Variants in SLC25A28 observed in about 807,000 individuals in gnomAD.
SLC25A28 encodes solute carrier family 25 member 28, also known as mitoferrin-2.
In SLC25A28, 10 loss-of-function variants were observed where a neutral mutation model predicts 31.9. That is an observed-to-expected ratio of 0.31 (90% confidence interval 0.19 to 0.53). The LOEUF (loss-of-function observed/expected upper bound fraction) is 0.53, where lower values mean the gene tolerates loss of function less well. SLC25A28 is among the 20% of genes least tolerant of loss of function. The pLI is 0.95. For synonymous variants in SLC25A28, 208 were observed against 203.6 expected (o/e 1.02, Z -0.19); for missense variants, 256 against 490.3 (o/e 0.52, Z 4.51).
chr10:99,614,138 T>G (rs547778680), intron 1 of SLC25A28, among the ~76,000 whole-genome samples: 1 of 152,174 alleles, frequency 6.6e-6, no homozygotes, highest in Non-Finnish European at 1.5e-5. Context: ...ACACCATTAT[T>G]TTCCCTGAAA....
chr10:99,658,646 G>A, the SLC25A28 span, among the ~76,000 whole-genome samples: 1 of 152,158 alleles, frequency 6.6e-6, no homozygotes, highest in African/African-American at 2.4e-5. Context: ...GGGGCAGAAT[G>A]AGCAAAACAG....
chr10:99,625,246 A>G (rs1481361028), upstream of SLC25A28, among the ~76,000 whole-genome samples: 1 of 152,038 alleles, frequency 6.6e-6, no homozygotes, highest in African/African-American at 2.4e-5. Context: ...CTTCCACAGC[A>G]TGGAAGGGGA....
At chr10:99,624,908 A>G (rs1363464989), upstream of SLC25A28, among the ~76,000 whole-genome samples, 1 of 152,150 alleles carries the variant, frequency 6.6e-6, no homozygotes, top group Non-Finnish European at 1.5e-5. Flanking sequence ...CTGCACCTGC[A>G]ACTCCTCAGG....
the SLC25A28 span, among the ~76,000 whole-genome samples, chr10:99,658,680 G>C: frequency 6.6e-6 from 1 of 152,184 alleles, no homozygotes; most frequent in African/African-American, 2.4e-5. Flanking sequence ...AGCGTGGTAA[G>C]GAAGGCAAGT....
At chr10:99,621,190 T>A, upstream of SLC25A28, 1 of 165,596 alleles carries the variant, frequency 6.0e-6, no homozygotes, top group Non-Finnish European at 1.2e-5. Context: ...GGGTCTGGAG[T>A]ATTGGGCCCT....
At chr10:99,627,008 C>T in the SLC25A28 span, among the ~76,000 whole-genome samples, 2 of 152,010 alleles carry the variant, frequency 1.3e-5, no homozygotes, top group Admixed American at 6.6e-5. Context: ...TGGGAGGCCA[C>T]AGCAGGCAGA....
chr10:99,612,550 A>G lies in SLC25A28; in HGVS notation c.570T>C (p.Pro190=), dbSNP rs771031792. ...ATLLHDAAMN[P]AEVVKQRMQM... ...AGGTTGAGGAATCATTACCTTCCGC[A>G]GGGTTCATGGCTGCATCATGAAGTA... The change falls in exon 3 of 4, where the codon CCT becomes CCC. Residue 190 remains proline, a synonymous_variant. Coordinates refer to ENST00000370495, the MANE Select transcript of SLC25A28 (RefSeq NM_031212.4). 3.7e-6 allele frequency: 6 copies of G among 1,614,068 alleles called. No homozygotes were observed. Among genetic ancestry groups the G allele is most frequent in the Admixed American group, 3.3e-5 (2 of 59,998 alleles).
At chr10:99,649,463 T>C in the SLC25A28 span, among the ~76,000 whole-genome samples, 2 of 152,198 alleles carry the variant, frequency 1.3e-5, no homozygotes, top group African/African-American at 2.4e-5. Context: ...ATACTGGCCT[T>C]GTAGAATGAG....
At chr10:99,617,342 C>T (rs558298886) in intron 1 of SLC25A28, 2 of 985,452 alleles carry the variant, frequency 2.0e-6, no homozygotes, top group South Asian at 9.4e-5. Context: ...TGGTCCCTCT[C>T]AAGGATATTT....
At chr10:99,624,033 C>T (rs2034836558), upstream of SLC25A28, among the ~76,000 whole-genome samples, 1 of 151,510 alleles carries the variant, frequency 6.6e-6, no homozygotes, top group Admixed American at 6.6e-5. Context: ...TTCTTCCTTC[C>T]CTCTCTCCCT....
chr10:99,618,414 T>TAA, intron 1 of SLC25A28: 1 of 985,450 alleles, frequency 1.0e-6, no homozygotes, highest in Non-Finnish European at 1.2e-6. Flanking sequence ...AACAGCATCC[T>TAA]AAACCCTGCA....
At chr10:99,629,139 C>T in the SLC25A28 span, among the ~76,000 whole-genome samples, 3 of 152,152 alleles carry the variant, frequency 2.0e-5, no homozygotes, top group African/African-American at 7.2e-5. Context: ...GAATAGATCC[C>T]TCATGAATAG....
chr10:99,630,435 A>G, the SLC25A28 span, among the ~76,000 whole-genome samples: 1 of 152,140 alleles, frequency 6.6e-6, no homozygotes, highest in East Asian at 1.9e-4. Flanking sequence ...TGCCTGGCCC[A>G]TGCAAACTTT....
chr10:99,627,419 A>G, the SLC25A28 span, among the ~76,000 whole-genome samples: 7 of 150,492 alleles, frequency 4.7e-5, no homozygotes, highest in East Asian at 1.9e-4. Context: ...CTCTTTATTT[A>G]TGTATTTGTT....
the SLC25A28 span, among the ~76,000 whole-genome samples, chr10:99,643,341 A>G: frequency 6.6e-6 from 1 of 152,102 alleles, no homozygotes; most frequent in Non-Finnish European, 1.5e-5. Flanking sequence ...TAGATTTTCT[A>G]GTTTATTTCC....
intron 1 of SLC25A28, chr10:99,617,416 C>T (rs1316948225): frequency 1.0e-6 from 1 of 985,332 alleles, no homozygotes; most frequent in Non-Finnish European, 1.2e-6. Context: ...AAGGCAATGT[C>T]AGCTTTCATT....
At chr10:99,617,666 TC>T in intron 1 of SLC25A28, 1 of 985,476 alleles carries the variant, frequency 1.0e-6, no homozygotes, top group Non-Finnish European at 1.2e-6. Flanking sequence ...ACCTAGTTCT[TC>T]CCTCTAAGTC....
chr10:99,641,750 G>A, the SLC25A28 span, among the ~76,000 whole-genome samples: 1 of 152,186 alleles, frequency 6.6e-6, no homozygotes, highest in Non-Finnish European at 1.5e-5. Flanking sequence ...TGTATAAGTT[G>A]TAAGGAAGGG....
At chr10:99,618,744 G>A (rs1282916070) in intron 1 of SLC25A28, 1 of 985,236 alleles carries the variant, frequency 1.0e-6, no homozygotes, top group Non-Finnish European at 1.2e-6. Flanking sequence ...CTGCCAGTTT[G>A]CTGTCATTCA....
Sources: allele counts gnomAD v4.1 joint callset (sites outside exome capture counted in the v4.1 genomes callset), GRCh38; gene constraint gnomAD v4.1.1; transcripts MANE v1.5; gene names NCBI Gene and HGNC (gene_info 2026-07-23, HGNC 2026-07-21).